STAG1: variants seen among roughly 807,000 people sequenced by gnomAD.
STAG1 encodes STAG1 cohesin complex component.
Under a neutral mutation model 170.9 loss-of-function variants are expected in STAG1, and 26 were observed. The ratio of observed to expected loss-of-function variants is 0.15; its 90% CI spans 0.11 to 0.21. The LOEUF is 0.21. STAG1 is among the 10% of genes least tolerant of loss of function. The pLI is 1.00. For synonymous variants in STAG1, 514 were observed against 497.7 expected (o/e 1.03, Z -0.44); for missense variants, 964 against 1,509.5 (o/e 0.64, Z 5.99).
chr3:136,491,772 C>T (rs1247052941), intron 9 of STAG1, among the ~76,000 whole-genome samples: 1 of 152,180 alleles, frequency 6.6e-6, no homozygotes, highest in Non-Finnish European at 1.5e-5. Flanking sequence ...GCAGGAAGAT[C>T]ACCTGAGGTC....
intron 23 of STAG1, among the ~76,000 whole-genome samples, chr3:136,374,741 T>G (rs1277834331): frequency 1.3e-5 from 2 of 151,974 alleles, no homozygotes; most frequent in Non-Finnish European, 2.9e-5. Flanking sequence ...TATAGTATGA[T>G]AAGGTTAATT....
At chr3:136,440,817 C>T (rs946370989) in intron 15 of STAG1, among the ~76,000 whole-genome samples, 1 of 151,816 alleles carries the variant, frequency 6.6e-6, no homozygotes, top group Non-Finnish European at 1.5e-5. Flanking sequence ...TGGTGAAACC[C>T]CATCTTTACT....
intron 16 of STAG1, among the ~76,000 whole-genome samples, chr3:136,431,889 G>A (rs1164190209): frequency 6.6e-6 from 1 of 152,094 alleles, no homozygotes; most frequent in Non-Finnish European, 1.5e-5. Flanking sequence ...TCTATATGTG[G>A]AACTTTTGTG....
At chr3:136,610,248 G>T (rs1225301327) in intron 3 of STAG1, among the ~76,000 whole-genome samples, 1 of 152,054 alleles carries the variant, frequency 6.6e-6, no homozygotes, top group Non-Finnish European at 1.5e-5. Context: ...TATTGGCCAG[G>T]CTGGTCTCAA....
rs576572215 is a variant in STAG1 at position 136,421,656 on chromosome 3, G to T, written c.2038-493C>A. ...AGATTGATGAGAGAGAGGGAAAGAG[G>T]AAGAAGTCACAGAAATAATTAGAAA... On this transcript the variant is annotated intron_variant, in intron 19 of 33. Coordinates refer to ENST00000383202, the MANE Select transcript of STAG1 (RefSeq NM_005862.3). Among the ~76,000 whole-genome samples, 64 of 152,040 alleles carry T rather than the reference G, an allele frequency of 4.2e-4. 1 individual carries two copies. The South Asian group carries it at 0.012, about 30-fold the overall frequency.
At position 136,363,388 on chromosome 3, in the gene STAG1, G is replaced by A; in HGVS notation, c.2765C>T (p.Thr922Ile). The A allele has an allele frequency of 6.2e-7, 1 of 1,601,538 alleles. No homozygotes were observed. ...RQIDKIQCAK[T>I]LILSLQQLFN... ...TACCTGTTGCAAACTGAGAATGAGA[G>A]TCTTGGCACACTGAATTTTATCAAT... Residue 922 changes from threonine to isoleucine, a missense_variant, in exon 26 of 34, where the codon ACT becomes ATT. Physicochemically the swap from Thr to Ile is moderately conservative, Grantham distance 89. Around this residue, in one of 11 missense-constraint regions of STAG1, gnomAD observed 149 missense variants for 301.3 expected, o/e 0.49. Coordinates refer to ENST00000383202, the MANE Select transcript of STAG1 (RefSeq NM_005862.3).
chr3:136,494,623 A>C (rs1462848536), intron 9 of STAG1, among the ~76,000 whole-genome samples: 3 of 152,200 alleles, frequency 2.0e-5, no homozygotes, highest in Non-Finnish European at 4.4e-5. Flanking sequence ...GGTTGGTATA[A>C]TATCTGAAAA....
intron 1 of STAG1, among the ~76,000 whole-genome samples, chr3:136,689,572 A>G (rs4336059): frequency 0.36 from 55,249 of 151,948 alleles, 11,083 homozygotes; most frequent in African/African-American, 0.52. Context: ...AGTAGCCATG[A>G]TTTTTCTAAT....
In STAG1 at chr3:136,458,149, TTTTG is replaced by T. The variant is rs144497876; in HGVS notation, c.1314-6006_1314-6003del. Reference sequence around the variant, plus strand: ...TATTTTTTTCTGTGTTTTTTTTCTGTTTTGTTTGTTTGTTTGTTTTGTTTTGAGA... The same window carrying T: ...TATTTTTTTCTGTGTTTTTTTTCTGTTTTGTTTGTTTGTTTTGTTTTGAGA... On this transcript the variant is annotated intron_variant, in intron 13 of 33. Coordinates refer to ENST00000383202, the MANE Select transcript of STAG1 (RefSeq NM_005862.3). Among the ~76,000 whole-genome samples the T allele has an allele frequency of 9.2e-3, 1,397 of 152,070 alleles. 25 individuals carry two copies. The highest frequency in any genetic ancestry group is 0.029 in the African/African-American group (1,202 of 41,436).
intron 1 of STAG1, among the ~76,000 whole-genome samples, chr3:136,664,182 G>T (rs1941676685): frequency 6.6e-6 from 1 of 152,104 alleles, no homozygotes; most frequent in African/African-American, 2.4e-5. Context: ...TAATGATCTG[G>T]AATGCATATA....
At chr3:136,710,334 ATTTTG>A (rs1414339083) in intron 1 of STAG1, among the ~76,000 whole-genome samples, 1 of 152,146 alleles carries the variant, frequency 6.6e-6, no homozygotes, top group Non-Finnish European at 1.5e-5. Context: ...AGCTGTTAAA[ATTTTG>A]TTTTATCATT....
intron 28 of STAG1, among the ~76,000 whole-genome samples, chr3:136,354,463 G>A (rs1236115516): frequency 2.6e-5 from 4 of 151,766 alleles, no homozygotes; most frequent in Admixed American, 6.6e-5. Context: ...CACCATGCCC[G>A]GCTAATTTTT....
In STAG1 at chr3:136,604,329, G is replaced by C; in HGVS notation, c.277C>G (p.Leu93Val). 3 of 1,608,906 alleles carry C rather than the reference G, an allele frequency of 1.9e-6. No homozygotes were observed. Among genetic ancestry groups the C allele is most frequent in the Non-Finnish European group, 2.5e-6 (3 of 1,178,816 alleles). Residue 93 changes from leucine to valine, a missense_variant, in exon 4 of 34, where the codon CTG becomes GTG. By Grantham distance (32) the Leu-to-Val change is conservative. Around this residue, in one of 11 missense-constraint regions of STAG1, gnomAD observed 108 missense variants for 120.2 expected, o/e 0.90. Coordinates refer to ENST00000383202, the MANE Select transcript of STAG1 (RefSeq NM_005862.3). ...TTTACCTGCATTGCACTTTTCCCCA[G>C]TTTCACCACCTCAAATAATGTGACA... is the stretch of plus-strand genomic sequence containing the variant. ...EPVTLFEVVK[L>V]GKSAMQSVVD...
rs565357609 is a variant in STAG1, at chr3:136,672,154, C to G, written c.-83-41173G>C. 1.1e-4 allele frequency among the ~76,000 whole-genome samples: 17 copies of G among 152,256 alleles called. 1 individual carries two copies. The South Asian group carries it at 3.5e-3, about 32-fold the overall frequency. ...CCTTAACCTGTAGCTGGCAGTCTGG[C>G]CAATACACATGCATCTGACTACAAG... On this transcript the variant is annotated intron_variant, in intron 1 of 33. Transcript: ENST00000383202.
chr3:136,467,127 C>A (rs1395330969), intron 12 of STAG1, among the ~76,000 whole-genome samples: 1 of 151,906 alleles, frequency 6.6e-6, no homozygotes. Context: ...AACATCATAA[C>A]GTAACGACAG....
chr3:136,457,221 C>T (rs964397349), intron 13 of STAG1, among the ~76,000 whole-genome samples: 7 of 152,118 alleles, frequency 4.6e-5, no homozygotes, highest in Admixed American at 3.9e-4. Flanking sequence ...TAAAACCCCT[C>T]GTAGCTTGGA....
intron 13 of STAG1, among the ~76,000 whole-genome samples, chr3:136,461,925 G>A (rs946813107): frequency 6.6e-6 from 1 of 151,868 alleles, no homozygotes; most frequent in Non-Finnish European, 1.5e-5. Context: ...ACATACCAGT[G>A]GCCAACTGGT....
At chr3:136,569,809 A>C (rs1937204139) in intron 4 of STAG1, among the ~76,000 whole-genome samples, 1 of 152,106 alleles carries the variant, frequency 6.6e-6, no homozygotes, top group South Asian at 2.1e-4. Context: ...ATCTAAGAGA[A>C]TTTTTAATAA....
intron 19 of STAG1, among the ~76,000 whole-genome samples, chr3:136,421,453 T>C (rs1001575246): frequency 6.6e-6 from 1 of 152,202 alleles, no homozygotes; most frequent in African/African-American, 2.4e-5. Flanking sequence ...AGATTTTCAA[T>C]GATTTCCAAT....
Sources: allele counts gnomAD v4.1 joint callset (sites outside exome capture counted in the v4.1 genomes callset), GRCh38; gene constraint gnomAD v4.1.1; regional missense constraint gnomAD v4.1.1; transcripts MANE v1.5; gene names NCBI Gene and HGNC (gene_info 2026-07-23, HGNC 2026-07-21).